The following SLC24A2 variants were observed in gnomAD, a reference collection of about 807,000 sequenced individuals.
SLC24A2 encodes the protein sodium/potassium/calcium exchanger 2.
A neutral mutation model predicts 62.0 loss-of-function variants in SLC24A2; 36 were observed. The observed-to-expected ratio is 0.58, with a 90% confidence interval of 0.44 to 0.77. The LOEUF is 0.77. Ranked by LOEUF, SLC24A2 falls within the 30% of genes least tolerant of loss-of-function variation. SLC24A2 has a pLI of 0.00. For missense variants in SLC24A2, 846 were observed against 817.9 expected (o/e 1.03, Z -0.42); for synonymous variants, 358 against 294.0 (o/e 1.22, Z -2.23).
At position 19,786,916 on chromosome 9, in the gene SLC24A2, G is replaced by A; in HGVS notation, c.-50C>T. 1 of 1,594,560 alleles carries A rather than the reference G, an allele frequency of 6.3e-7. No individual in the cohort carries two copies. The highest frequency in any genetic ancestry group is 1.7e-4 in the Middle Eastern group (1 of 5,878). ...GATCTTCCAACTTTAGACTCAACCA[G>A]ATGGTTCTTTCATACTTTTCCTTAC... is the stretch of plus-strand genomic sequence containing the variant. On this transcript the variant is annotated 5_prime_UTR_variant, in exon 2 of 11. Coordinates refer to ENST00000341998, the MANE Select transcript of SLC24A2 (RefSeq NM_020344.4). This position sits in a 1 kb window ranked among gnomAD's most constrained non-coding sequence, Gnocchi z 5.0.
At chr9:20,015,009 T>C in the SLC24A2 span, among the ~76,000 whole-genome samples, 7 of 152,184 alleles carry the variant, frequency 4.6e-5, no homozygotes, top group Admixed American at 6.5e-5. Flanking sequence ...TATAGAATTA[T>C]AGTTTGTCTA....
chr9:19,618,258 G>C (rs1012093584), intron 4 of SLC24A2, among the ~76,000 whole-genome samples: 9 of 152,140 alleles, frequency 5.9e-5, no homozygotes, highest in Non-Finnish European at 1.2e-4. Flanking sequence ...CCTTCTCTGG[G>C]GGTATATCCC....
At chr9:19,603,336 C>T (rs544062202) in intron 4 of SLC24A2, among the ~76,000 whole-genome samples, 13 of 152,156 alleles carry the variant, frequency 8.5e-5, no homozygotes, top group Non-Finnish European at 1.6e-4. Context: ...GGGTTACAAA[C>T]ACATTTATTA....
chr9:19,800,660 CT>C, the SLC24A2 span, among the ~76,000 whole-genome samples: 5 of 151,010 alleles, frequency 3.3e-5, no homozygotes, highest in African/African-American at 4.9e-5. Flanking sequence ...GAAAGACTAC[CT>C]TTTTTTTTCA....
At chr9:20,119,457 C>CA in the SLC24A2 span, among the ~76,000 whole-genome samples, 1 of 151,966 alleles carries the variant, frequency 6.6e-6, no homozygotes, top group Admixed American at 6.6e-5. Flanking sequence ...GTATAACATT[C>CA]AAAAATCCAT....
chr9:19,885,905 A>G, the SLC24A2 span, among the ~76,000 whole-genome samples: 5 of 152,128 alleles, frequency 3.3e-5, no homozygotes, highest in Non-Finnish European at 5.9e-5. Context: ...CAGCCCATCC[A>G]TGTTGCCGTA....
the SLC24A2 span, among the ~76,000 whole-genome samples, chr9:20,087,320 A>G: frequency 6.6e-6 from 1 of 152,204 alleles, no homozygotes; most frequent in Admixed American, 6.5e-5. Context: ...CTAAAACAAG[A>G]ATGGAATGTT....
At chr9:20,164,535 G>C in the SLC24A2 span, among the ~76,000 whole-genome samples, 5 of 150,158 alleles carry the variant, frequency 3.3e-5, no homozygotes, top group African/African-American at 1.2e-4. Flanking sequence ...CACTGTTGGT[G>C]GGACTGTAAA....
chr9:19,676,586 G>T (rs1819567560), intron 2 of SLC24A2, among the ~76,000 whole-genome samples: 1 of 152,068 alleles, frequency 6.6e-6, no homozygotes, highest in African/African-American at 2.4e-5. Flanking sequence ...TATGGTAGGA[G>T]AAGTTCTTAA....
At chr9:19,610,005 G>T (rs1837103409) in intron 4 of SLC24A2, among the ~76,000 whole-genome samples, 1 of 152,212 alleles carries the variant, frequency 6.6e-6, no homozygotes, top group Admixed American at 6.5e-5. Flanking sequence ...GTGTGGCCCA[G>T]TTCCTAATGG....
intron 7 of SLC24A2, among the ~76,000 whole-genome samples, chr9:19,566,186 G>A (rs573655564): frequency 1.2e-4 from 18 of 151,196 alleles, no homozygotes; most frequent in Admixed American, 2.6e-4. Context: ...GCAACCTACA[G>A]AATGGGAGAA....
At chr9:20,027,057 T>C in the SLC24A2 span, among the ~76,000 whole-genome samples, 5 of 152,286 alleles carry the variant, frequency 3.3e-5, no homozygotes, top group East Asian at 1.9e-4. Flanking sequence ...AACATGTATA[T>C]TAAAAAAGTG....
chr9:19,970,705 A>G, the SLC24A2 span, among the ~76,000 whole-genome samples: 1 of 152,228 alleles, frequency 6.6e-6, no homozygotes, highest in African/African-American at 2.4e-5. Flanking sequence ...AAATGTTCAT[A>G]TATCAATTAT....
intron 8 of SLC24A2, among the ~76,000 whole-genome samples, chr9:19,528,802 C>T (rs1330713601): frequency 1.3e-5 from 2 of 152,134 alleles, no homozygotes; most frequent in East Asian, 3.9e-4. Context: ...TACTGATTTC[C>T]ACTGAGATGG....
chr9:19,709,435 G>A (rs1035747133), intron 2 of SLC24A2, among the ~76,000 whole-genome samples: 44 of 152,106 alleles, frequency 2.9e-4, no homozygotes, highest in African/African-American at 1.0e-3. Flanking sequence ...AAATCATGCC[G>A]TTATAAAGAC....
the SLC24A2 span, among the ~76,000 whole-genome samples, chr9:20,074,032 C>A: frequency 1.3e-5 from 2 of 151,222 alleles, no homozygotes; most frequent in Non-Finnish European, 2.9e-5. Flanking sequence ...AGAAACTGAG[C>A]TACCCAGAAT....
At chr9:19,789,202 C>T (rs1564103275), upstream of SLC24A2, among the ~76,000 whole-genome samples, 1 of 152,260 alleles carries the variant, frequency 6.6e-6, no homozygotes, top group South Asian at 2.1e-4. Flanking sequence ...GCAGCCGTCT[C>T]TTAGGAGATT....
chr9:19,889,632 G>T, the SLC24A2 span, among the ~76,000 whole-genome samples: 1 of 152,074 alleles, frequency 6.6e-6, no homozygotes, highest in East Asian at 1.9e-4. Flanking sequence ...CTTAAATTAT[G>T]CCATTAACAT....
intron 6 of SLC24A2, among the ~76,000 whole-genome samples, chr9:19,576,046 C>G (rs1835999765): frequency 6.6e-6 from 1 of 152,122 alleles, no homozygotes; most frequent in South Asian, 2.1e-4. Flanking sequence ...TCCAGTTTTT[C>G]TTTTCGTATC....
Sources: allele counts gnomAD v4.1 joint callset (sites outside exome capture counted in the v4.1 genomes callset), GRCh38; gene constraint gnomAD v4.1.1; non-coding constraint Gnocchi (gnomAD v3.1); transcripts MANE v1.5; gene names NCBI Gene and HGNC (gene_info 2026-07-23, HGNC 2026-07-21).